Variants in ELF2 observed in about 807,000 individuals in gnomAD.
ELF2 encodes the protein ETS-related transcription factor Elf-2.
Under a neutral mutation model 54.8 loss-of-function variants are expected in ELF2, and 11 were observed. The ratio of observed to expected loss-of-function variants is 0.20; its 90% CI spans 0.13 to 0.33. ELF2 has a LOEUF of 0.33. Ranked by LOEUF, ELF2 falls within the 10% of genes least tolerant of loss-of-function variation. The probability of loss-of-function intolerance (pLI) is 1.00; values close to 1 mark genes in which losing one functional copy is unlikely to be tolerated. For missense variants in ELF2, 513 were observed against 703.0 expected (o/e 0.73, Z 3.06); for synonymous variants, 203 against 245.1 (o/e 0.83, Z 1.61).
intron 1 of ELF2, among the ~76,000 whole-genome samples, chr4:139,151,136 G>A (rs1457487798): frequency 6.6e-6 from 1 of 151,220 alleles, no homozygotes; most frequent in Non-Finnish European, 1.5e-5. Flanking sequence ...CAAATGATCA[G>A]CCATACAAGA....
chr4:139,159,973 CTT>C (rs1178192471), intron 1 of ELF2, among the ~76,000 whole-genome samples: 3 of 152,158 alleles, frequency 2.0e-5, no homozygotes, highest in Admixed American at 1.3e-4. Flanking sequence ...AAGGCAATGA[CTT>C]TGGCTTACTG....
At chr4:139,097,380 C>A (rs1322772538) in intron 4 of ELF2, among the ~76,000 whole-genome samples, 2 of 152,106 alleles carry the variant, frequency 1.3e-5, no homozygotes, top group African/African-American at 2.4e-5. Flanking sequence ...CTTTGGGAGG[C>A]CAAGGCGGGC....
At chr4:139,096,331 CTTTT>C (rs536133091) in intron 4 of ELF2, among the ~76,000 whole-genome samples, 3 of 150,808 alleles carry the variant, frequency 2.0e-5, no homozygotes, top group Non-Finnish European at 4.4e-5. Flanking sequence ...GTCTGATGGA[CTTTT>C]TTTTTAATAC....
intron 4 of ELF2, among the ~76,000 whole-genome samples, chr4:139,083,946 G>A (rs1434746118): frequency 6.6e-6 from 1 of 152,164 alleles, no homozygotes; most frequent in Non-Finnish European, 1.5e-5. Context: ...TACTCTCCAA[G>A]GTGATCACTT....
intron 4 of ELF2, among the ~76,000 whole-genome samples, chr4:139,092,428 TA>T (rs1264992819): frequency 2.1e-5 from 3 of 140,692 alleles, no homozygotes; most frequent in African/African-American, 7.9e-5. Context: ...TAACATAACA[TA>T]ACATAACATA....
Position 139,062,804 on chromosome 4 carries a change from C to G in ELF2, c.614-747G>C, listed in dbSNP as rs111482140. Among the ~76,000 whole-genome samples, 1,018 of 152,252 alleles carry G rather than the reference C, an allele frequency of 6.7e-3. 15 individuals carry two copies. The highest frequency in any genetic ancestry group is 0.023 in the African/African-American group (967 of 41,532). The stretch of plus-strand genomic sequence containing the variant: ...TGTGTAAAACTTTTAGGCATCAGAC[C>G]TAGGGTCTTTTTGTAAGAAACTTAC... On this transcript the variant is annotated intron_variant, in intron 7 of 9. Transcript: ENST00000686138.
chr4:139,062,070 T>C lies in ELF2; in HGVS notation c.614-13A>G. On this transcript the variant is annotated splice_polypyrimidine_tract_variant and intron_variant, in intron 7 of 9. Transcript: ENST00000686138. ...TAGGTTGTGTTTCCTTTAAAAACAATGACAGACATTGATTAAAATTCATTA... is the reference window on the plus strand; with the variant it reads ...TAGGTTGTGTTTCCTTTAAAAACAACGACAGACATTGATTAAAATTCATTA... The C allele has an allele frequency of 6.2e-7, 1 of 1,602,710 alleles. No homozygotes were observed. The highest frequency in any genetic ancestry group is 1.7e-5 in the Admixed American group (1 of 58,024).
intron 4 of ELF2, among the ~76,000 whole-genome samples, chr4:139,103,563 C>T (rs773822450): frequency 5.9e-5 from 9 of 152,240 alleles, no homozygotes; most frequent in Non-Finnish European, 5.9e-5. Flanking sequence ...GTGGCATGCC[C>T]AGCAAGGGCA....
intron 4 of ELF2, among the ~76,000 whole-genome samples, chr4:139,113,488 G>A (rs1483100335): frequency 2.6e-5 from 4 of 152,134 alleles, no homozygotes; most frequent in Admixed American, 1.3e-4. Context: ...TTGAATCTGG[G>A]AGGCAGAGTT....
chr4:139,149,436 C>T (rs1739623658), intron 1 of ELF2, among the ~76,000 whole-genome samples: 1 of 152,004 alleles, frequency 6.6e-6, no homozygotes, highest in African/African-American at 2.4e-5. Flanking sequence ...ATGGTGAAAC[C>T]CCACCTCCAC....
At chr4:139,150,518 CAAA>C (rs34465260) in intron 1 of ELF2, among the ~76,000 whole-genome samples, 6 of 76,880 alleles carry the variant, frequency 7.8e-5, no homozygotes, top group African/African-American at 1.5e-4. Flanking sequence ...GACCCTGTCT[CAAA>C]AAAAAAAAAA....
chr4:139,083,162 T>G (rs937817282), intron 4 of ELF2, among the ~76,000 whole-genome samples: 21 of 146,334 alleles, frequency 1.4e-4, no homozygotes, highest in Admixed American at 3.4e-4. Flanking sequence ...CCGAGGCGCT[T>G]CCGCTGTGGT....
At chr4:139,147,244 CAAA>C (rs1260711594) in intron 1 of ELF2, among the ~76,000 whole-genome samples, 1 of 152,056 alleles carries the variant, frequency 6.6e-6, no homozygotes, top group Non-Finnish European at 1.5e-5. Flanking sequence ...AAACATTTCT[CAAA>C]AGAAGATATA....
intron 1 of ELF2, among the ~76,000 whole-genome samples, chr4:139,176,117 G>A (rs572834573): frequency 1.0e-3 from 158 of 152,262 alleles, no homozygotes; most frequent in African/African-American, 2.7e-3. Flanking sequence ...AGACCATCCC[G>A]TCGCGCGGTC....
intron 4 of ELF2, among the ~76,000 whole-genome samples, chr4:139,075,347 T>G (rs1177748143): frequency 6.6e-6 from 1 of 152,222 alleles, no homozygotes; most frequent in Non-Finnish European, 1.5e-5. Context: ...ATAAACTTCT[T>G]GAGGTCTGGG....
intron 1 of ELF2, among the ~76,000 whole-genome samples, chr4:139,158,474 G>A (rs1361835508): frequency 6.6e-6 from 1 of 152,102 alleles, no homozygotes; most frequent in African/African-American, 2.4e-5. Flanking sequence ...GAGATAGTGG[G>A]CAATGTTTCT....
At chr4:139,059,694 A>G (rs1466067400) in intron 9 of ELF2, 87 bp from the exon 10 acceptor site, 1 of 1,481,912 alleles carries the variant, frequency 6.7e-7, no homozygotes, top group East Asian at 2.3e-5. Flanking sequence ...TACAAATCCA[A>G]AATGTGTAAA....
intron 3 of ELF2, among the ~76,000 whole-genome samples, chr4:139,128,501 T>C (rs754146038): frequency 2.6e-5 from 4 of 151,896 alleles, no homozygotes; most frequent in Non-Finnish European, 5.9e-5. Context: ...TCACTGAAGC[T>C]ATTCTCTAAA....
At position 139,057,728 on chromosome 4, in the gene ELF2, T is replaced by C. The variant is rs527813111; in HGVS notation, c.*1255A>G. Reference sequence around the variant, plus strand: ...CATGCAGATATTTGCCAAATATTAATATAATGGAAGTAGAATTTCTTCATG... The same window carrying C: ...CATGCAGATATTTGCCAAATATTAACATAATGGAAGTAGAATTTCTTCATG... On this transcript the variant is annotated 3_prime_UTR_variant, in exon 10 of 10. Coordinates refer to ENST00000686138, the MANE Select transcript of ELF2 (RefSeq NM_001331036.3). 2 of 152,408 alleles carry C rather than the reference T, an allele frequency of 1.3e-5. No individual in the cohort carries two copies. The highest frequency in any genetic ancestry group is 4.8e-5 in the African/African-American group (2 of 41,560). 9.4% of individuals were successfully genotyped at this position (152,408 alleles called of 1,614,324 possible).
Sources: allele counts gnomAD v4.1 joint callset (sites outside exome capture counted in the v4.1 genomes callset), GRCh38; gene constraint gnomAD v4.1.1; transcripts MANE v1.5; gene names NCBI Gene and HGNC (gene_info 2026-07-23, HGNC 2026-07-21).